The following RHOBTB1 variants were observed in gnomAD, a reference collection of about 807,000 sequenced individuals.
The protein encoded by RHOBTB1 is Rho related BTB domain containing 1.
A neutral mutation model predicts 71.6 loss-of-function variants in RHOBTB1; 40 were observed. That is an observed-to-expected ratio of 0.56 (90% CI 0.43 to 0.73). The LOEUF (loss-of-function observed/expected upper bound fraction) is 0.73, where lower values mean the gene tolerates loss of function less well. Among genes scored for constraint, RHOBTB1 ranks in the 30% least tolerant of loss-of-function variants. The probability of loss-of-function intolerance (pLI) is 0.00; values close to 1 mark genes in which losing one functional copy is unlikely to be tolerated. For missense variants in RHOBTB1, 797 were observed against 894.0 expected (o/e 0.89, Z 1.38); for synonymous variants, 319 against 334.9 (o/e 0.95, Z 0.52).
chr10:60,874,155 C>A (rs182637242), intron 9 of RHOBTB1, among the ~76,000 whole-genome samples: 1 of 152,330 alleles, frequency 6.6e-6, no homozygotes, highest in Non-Finnish European at 1.5e-5. Context: ...AGAGGGAGCA[C>A]AGGAAGCCAA....
intron 3 of RHOBTB1, 54 bp from the exon 4 acceptor site, chr10:60,911,044 G>A: frequency 4.8e-6 from 7 of 1,450,488 alleles, no homozygotes; most frequent in Non-Finnish European, 6.8e-6. Flanking sequence ...AGTTCCCCAG[G>A]AGAAGCGTGT....
At chr10:60,943,750 C>A (rs987557923) in intron 1 of RHOBTB1, among the ~76,000 whole-genome samples, 1 of 152,004 alleles carries the variant, frequency 6.6e-6, no homozygotes, top group Non-Finnish European at 1.5e-5. Context: ...TCCTAGAAAT[C>A]TCTTGTGCTT....
At chr10:60,972,625 G>A (rs1424254334) in intron 2 of RHOBTB1, among the ~76,000 whole-genome samples, 1 of 152,044 alleles carries the variant, frequency 6.6e-6, no homozygotes, top group Non-Finnish European at 1.5e-5. Flanking sequence ...CATGGCACGT[G>A]TATGCCTATG....
chr10:60,961,280 G>A (rs547819348), intron 2 of RHOBTB1, among the ~76,000 whole-genome samples: 1 of 152,134 alleles, frequency 6.6e-6, no homozygotes, highest in Admixed American at 6.5e-5. Context: ...GACACAGTAT[G>A]CCTAGAGCTG....
intron 7 of RHOBTB1, among the ~76,000 whole-genome samples, chr10:60,879,650 T>C (rs1287609774): frequency 6.6e-6 from 1 of 152,150 alleles, no homozygotes; most frequent in Non-Finnish European, 1.5e-5. Context: ...TGGCCGGTTA[T>C]GAACTTCTTA....
chr10:60,889,098 C>T lies in RHOBTB1; in HGVS notation c.570G>A (p.Val190=), dbSNP rs115076482. ...ELGLPYYETS[V]FDQFGIKDVF... ...CATCCTTGATACCAAACTGGTCAAACACGCTTGTTTCATAGTATGGTAAGC... is the reference window on the plus strand; with the variant it reads ...CATCCTTGATACCAAACTGGTCAAATACGCTTGTTTCATAGTATGGTAAGC... The change falls in exon 6 of 11, where the codon GTG becomes GTA. Residue 190 remains valine (V), a synonymous_variant. Coordinates refer to ENST00000337910, the MANE Select transcript of RHOBTB1 (RefSeq NM_014836.5). The T allele has an allele frequency of 1.6e-3, 2,621 of 1,614,158 alleles. 33 individuals carry two copies. The African/African-American group carries it at 0.029, about 18-fold the overall frequency.
chr10:60,875,171 G>A, intron 8 of RHOBTB1, 129 bp from the exon 9 acceptor site: 1 of 670,922 alleles, frequency 1.5e-6, no homozygotes, highest in Non-Finnish European at 2.7e-6. Context: ...GCAGGCATCT[G>A]AATTAAATCC....
chr10:60,909,195 C>T (rs2082839651), intron 4 of RHOBTB1, among the ~76,000 whole-genome samples: 1 of 152,178 alleles, frequency 6.6e-6, no homozygotes, highest in South Asian at 2.1e-4. Context: ...TAAATAAATG[C>T]TATGCAGGAA....
At chr10:60,944,319 C>T (rs1053681522), upstream of RHOBTB1, 2 of 152,230 alleles carry the variant, frequency 1.3e-5, no homozygotes, top group Admixed American at 1.3e-4. Context: ...GGCCGCCGCT[C>T]GCACTGTGAC....
rs35692448 is a variant in RHOBTB1, at chr10:60,886,273, T to G, written c.1457-43A>C. 8.6e-3 allele frequency: 12,875 copies of G among 1,493,050 alleles called. 75 individuals carry two copies. Among genetic ancestry groups the G allele is most frequent in the Non-Finnish European group, 0.011 (11,614 of 1,071,256 alleles). 92.5% of individuals were successfully genotyped at this position (1,493,050 alleles called of 1,614,324 possible). ...AAACACAACCATGAGCCAACTTTGC[T>G]GAGAGCTTCAACCAAGGCTTCTGCT... On this transcript the variant is annotated intron_variant, in intron 6 of 10. Transcript: ENST00000337910.
At chr10:60,979,379 A>G (rs1019624246) in intron 2 of RHOBTB1, among the ~76,000 whole-genome samples, 3 of 152,178 alleles carry the variant, frequency 2.0e-5, no homozygotes, top group South Asian at 2.1e-4. Context: ...AAGTTTATCA[A>G]TGGTCAAAAA....
At chr10:60,976,335 T>A (rs2086314075) in intron 2 of RHOBTB1, among the ~76,000 whole-genome samples, 3 of 151,564 alleles carry the variant, frequency 2.0e-5, no homozygotes, top group Admixed American at 2.0e-4. Context: ...ATATATATTC[T>A]TTTCTATTTT....
intron 8 of RHOBTB1, 75 bp from the exon 9 acceptor site, chr10:60,875,117 C>G: frequency 9.7e-7 from 1 of 1,031,060 alleles, no homozygotes; most frequent in Non-Finnish European, 1.5e-6. Context: ...GAGGGTTGGT[C>G]TGGGACGACT....
At chr10:60,875,851 G>C (rs770040065) in intron 8 of RHOBTB1, among the ~76,000 whole-genome samples, 1 of 152,206 alleles carries the variant, frequency 6.6e-6, no homozygotes, top group Non-Finnish European at 1.5e-5. Context: ...TCTTGCCTTT[G>C]TAAGGGCTGT....
At chr10:60,934,928 G>A (rs2084485190) in intron 2 of RHOBTB1, among the ~76,000 whole-genome samples, 1 of 152,206 alleles carries the variant, frequency 6.6e-6, no homozygotes, top group African/African-American at 2.4e-5. Flanking sequence ...CCGTGGGCAT[G>A]TTATATGAGA....
At chr10:60,936,678 C>T (rs2084603560) in intron 2 of RHOBTB1, among the ~76,000 whole-genome samples, 1 of 152,216 alleles carries the variant, frequency 6.6e-6, no homozygotes, top group Admixed American at 6.5e-5. Flanking sequence ...CAATGGGGAA[C>T]TTGTTAGAAA....
rs188207590 is a variant in RHOBTB1 at position 60,957,760 on chromosome 10, T to G, written c.-61-15906A>C. On this transcript the variant is annotated intron_variant, in intron 2 of 11. Transcript: ENST00000357917. ...CATAACTTGTCCAATGGTAATGATA[T>G]TTATTGAATGCTCACTCCATAGCTG... is the stretch of plus-strand genomic sequence containing the variant. Among the ~76,000 whole-genome samples, 12 of 152,334 alleles carry G rather than the reference T, an allele frequency of 7.9e-5. No homozygotes were observed. The East Asian group carries it at 2.3e-3, about 29-fold the overall frequency.
At chr10:60,876,080 C>G (rs189440313) in intron 8 of RHOBTB1, among the ~76,000 whole-genome samples, 6 of 152,298 alleles carry the variant, frequency 3.9e-5, no homozygotes, top group Admixed American at 2.0e-4. Context: ...TGGCACAAAC[C>G]TCCTCAACTA....
downstream of RHOBTB1, among the ~76,000 whole-genome samples, chr10:60,865,977 A>G (rs2393704): frequency 0.4 from 61,452 of 151,906 alleles, 13,354 homozygotes; most frequent in African/African-American, 0.57. Context: ...GATTACAGGT[A>G]TGCATCACCA....
Sources: allele counts gnomAD v4.1 joint callset (sites outside exome capture counted in the v4.1 genomes callset), GRCh38; gene constraint gnomAD v4.1.1; transcripts MANE v1.5; gene names NCBI Gene and HGNC (gene_info 2026-07-23, HGNC 2026-07-21).